TRDMT1: variants seen among roughly 807,000 people sequenced by gnomAD.
The protein encoded by TRDMT1 is tRNA aspartic acid methyltransferase 1.
TRDMT1 carries 49 observed loss-of-function variants against 51.2 expected under a neutral mutation model. That is an observed-to-expected ratio of 0.96 (90% CI 0.76 to 1.21). The LOEUF (loss-of-function observed/expected upper bound fraction) is 1.21, where lower values mean the gene tolerates loss of function less well. Among genes scored for constraint, TRDMT1 ranks in the 50% most tolerant of loss-of-function variants. TRDMT1 has a pLI of 0.00. For synonymous variants in TRDMT1, 187 were observed against 164.6 expected, an observed-to-expected ratio of 1.14 and a Z score of -1.04; for missense variants, 534 against 462.3, an observed-to-expected ratio of 1.16 and a Z score of -1.42.
chr10:17,159,081 G>T, intron 7 of TRDMT1, 65 bp downstream of exon 7: 1 of 1,080,928 alleles, frequency 9.3e-7, no homozygotes, highest in Non-Finnish European at 1.3e-6. Flanking sequence ...AAATAAATTA[G>T]CAGACTAATA....
intron 2 of TRDMT1, among the ~76,000 whole-genome samples, chr10:17,171,110 GAT>G (rs1491554529): frequency 0.24 from 19,965 of 82,784 alleles, 1,381 homozygotes; most frequent in Non-Finnish European, 0.28. Context: ...ACTGGATTTA[GAT>G]GTGTGTGTGT....
rs1256856054 is a variant in TRDMT1 at position 17,175,038 on chromosome 10, T to C, written c.65-378A>G. ...CTAAAAGCCCTATGATTTAGAACTT[T>C]ATATAAATAAACTACCATTTGTTCT... On this transcript the variant is annotated intron_variant, in intron 1 of 10. Transcript: ENST00000377799. 2.0e-5 allele frequency among the ~76,000 whole-genome samples: 3 copies of C among 152,228 alleles called. No individual in the cohort carries two copies. In the East Asian group the frequency reaches 5.8e-4, roughly 29 times the overall value.
intron 1 of TRDMT1, among the ~76,000 whole-genome samples, chr10:17,181,296 G>T (rs947953398): frequency 6.6e-6 from 1 of 152,070 alleles, no homozygotes; most frequent in East Asian, 1.9e-4. Context: ...TTGCTGTGAC[G>T]GACCATGAAG....
At chr10:17,190,540 C>A (rs1271525063) in intron 1 of TRDMT1, among the ~76,000 whole-genome samples, 1 of 151,554 alleles carries the variant, frequency 6.6e-6, no homozygotes, top group Admixed American at 6.6e-5. Context: ...CTCAAAAGCC[C>A]TGATTATTTT....
At chr10:17,200,979 C>A (rs1846075742) in intron 1 of TRDMT1, among the ~76,000 whole-genome samples, 1 of 152,232 alleles carries the variant, frequency 6.6e-6, no homozygotes, top group Non-Finnish European at 1.5e-5. Flanking sequence ...TGCCACCAAG[C>A]TGGAACTCAG....
chr10:17,161,934 G>A (rs1201590188), intron 4 of TRDMT1, among the ~76,000 whole-genome samples: 1 of 152,228 alleles, frequency 6.6e-6, no homozygotes, highest in East Asian at 1.9e-4. Context: ...AGAGGCAGCA[G>A]AATCTAGCTA....
At chr10:17,178,629 T>C (rs1398897921) in intron 1 of TRDMT1, among the ~76,000 whole-genome samples, 1 of 148,340 alleles carries the variant, frequency 6.7e-6, no homozygotes, top group Non-Finnish European at 1.5e-5. Flanking sequence ...TGAGCTGAGA[T>C]TGCACCATTG....
Position 17,147,255 on chromosome 10 carries a change from T to C in TRDMT1, c.*1785A>G, listed in dbSNP as rs1158947195. The C allele has an allele frequency of 4.1e-6, 4 of 985,640 alleles. No individual in the cohort carries two copies. The highest frequency in any genetic ancestry group is 4.8e-6 in the Non-Finnish European group (4 of 829,916). 61.1% of individuals were successfully genotyped at this position (985,640 alleles called of 1,614,324 possible). A position where few individuals can be genotyped will look rare whatever the true frequency, so the allele number is the denominator to read the frequency against. On this transcript the variant is annotated 3_prime_UTR_variant, in exon 11 of 11. Transcript: ENST00000377799. ...TTACTGAAATTTATGAGACTTGTAA[T>C]AGGCTCTGTCTGAACACATATGAAA...
intron 7 of TRDMT1, 104 bp from the exon 8 acceptor site, chr10:17,157,888 T>C (rs1839784165): frequency 6.0e-6 from 5 of 840,074 alleles, no homozygotes; most frequent in Non-Finnish European, 7.2e-6. Context: ...TTAGCCTTTA[T>C]GGGGTTGCCA....
rs1008339361 is a variant in TRDMT1 at position 17,146,055 on chromosome 10, TC to T, written c.*2984del. ...TTGCCTGCACTCATCTCTAACCCCA[TC>T]CAATTTTACATCCCACATGGTAGCA... On this transcript the variant is annotated 3_prime_UTR_variant, in exon 11 of 11. Transcript: ENST00000377799. 1.0e-6 allele frequency: 1 copy of T among 985,236 alleles called. No individual in the cohort carries two copies. The highest frequency in any genetic ancestry group is 1.2e-6 in the Non-Finnish European group (1 of 829,918). The allele number at this position is 985,236 out of a possible 1,614,324, so 61.0% of individuals were successfully genotyped here. A position where few individuals can be genotyped will look rare whatever the true frequency, so the allele number is the denominator to read the frequency against.
At chr10:17,181,831 G>C (rs957128282) in intron 1 of TRDMT1, among the ~76,000 whole-genome samples, 24 of 152,146 alleles carry the variant, frequency 1.6e-4, no homozygotes, top group African/African-American at 5.8e-4. Context: ...CTCTACTGAG[G>C]ATACAAAATG....
intron 1 of TRDMT1, among the ~76,000 whole-genome samples, chr10:17,193,355 G>A (rs1222899573): frequency 6.6e-6 from 1 of 151,994 alleles, no homozygotes; most frequent in Non-Finnish European, 1.5e-5. Context: ...AGAGTGAGAA[G>A]ACGTCAAACG....
At chr10:17,156,827 C>A (rs1177342834) in intron 8 of TRDMT1, among the ~76,000 whole-genome samples, 3 of 152,132 alleles carry the variant, frequency 2.0e-5, no homozygotes, top group African/African-American at 7.2e-5. Context: ...CTTAAATACA[C>A]TTTCAGATAC....
chr10:17,185,897 G>A (rs575656748), intron 1 of TRDMT1, among the ~76,000 whole-genome samples: 36 of 152,124 alleles, frequency 2.4e-4, no homozygotes, highest in Admixed American at 4.6e-4. Flanking sequence ...ACACACCGGG[G>A]CCTGTTGTGG....
rs1464653797 is a variant in TRDMT1 at position 17,138,122 on chromosome 10, A to C, written c.*10918T>G. On this transcript the variant is annotated 3_prime_UTR_variant, in exon 11 of 11. Coordinates refer to ENST00000377799, the MANE Select transcript of TRDMT1 (RefSeq NM_004412.7). ...TGCGTTGGAGGATGGACAAATTGGC[A>C]AGATTCTCACACCCCTAATGCTAGC... is the stretch of plus-strand genomic sequence containing the variant. Among the ~76,000 whole-genome samples the C allele has an allele frequency of 1.3e-5, 2 of 152,188 alleles. No individual in the cohort carries two copies.
Position 17,146,420 on chromosome 10 carries a change from T to A in TRDMT1, c.*2620A>T. 3 of 985,430 alleles carry A rather than the reference T, an allele frequency of 3.0e-6. No individual in the cohort carries two copies. Among genetic ancestry groups the A allele is most frequent in the Non-Finnish European group, 3.6e-6 (3 of 829,930 alleles). 61.0% of individuals were successfully genotyped at this position (985,430 alleles called of 1,614,324 possible). A position where few individuals can be genotyped will look rare whatever the true frequency, so the allele number is the denominator to read the frequency against. ...CTTTCTTGCCTGCCACTGAGGATTG[T>A]CAGGCTCTGACCCCTCCTACAATGA... On this transcript the variant is annotated 3_prime_UTR_variant, in exon 11 of 11. Transcript: ENST00000377799.
At chr10:17,198,566 T>C (rs527827911) in intron 1 of TRDMT1, among the ~76,000 whole-genome samples, 1 of 152,212 alleles carries the variant, frequency 6.6e-6, no homozygotes, top group Non-Finnish European at 1.5e-5. Context: ...ACAAATGTAT[T>C]ATTCTACTTA....
chr10:17,167,812 G>T (rs1391537637), intron 3 of TRDMT1, among the ~76,000 whole-genome samples: 1 of 152,088 alleles, frequency 6.6e-6, no homozygotes. Context: ...AATTCACTTT[G>T]CTTAATCAGT....
intron 1 of TRDMT1, among the ~76,000 whole-genome samples, chr10:17,194,850 T>C (rs538396383): frequency 7.4e-5 from 11 of 149,460 alleles, no homozygotes; most frequent in African/African-American, 2.7e-4. Flanking sequence ...GGAGAATAGC[T>C]TGAACCCGGG....
Sources: gnomAD v4.1 joint callset for allele counts (sites outside exome capture counted in the v4.1 genomes callset) on GRCh38, gnomAD v4.1.1 for gene constraint, MANE v1.5 for transcripts, NCBI Gene and HGNC (gene_info 2026-07-23, HGNC 2026-07-21) for gene names.